ITGB1BP1: variants seen among roughly 807,000 people sequenced by gnomAD.
ITGB1BP1 encodes the protein integrin beta-1-binding protein 1.
A neutral mutation model predicts 28.0 loss-of-function variants in ITGB1BP1; 20 were observed. The observed-to-expected ratio is 0.71, with a 90% confidence interval of 0.50 to 1.04. ITGB1BP1 has a LOEUF of 1.04. ITGB1BP1 is among the 50% of genes least tolerant of loss of function. The probability of loss-of-function intolerance (pLI) is 0.00; values close to 1 mark genes in which losing one functional copy is unlikely to be tolerated. For synonymous variants in ITGB1BP1, 103 were observed against 89.5 expected (o/e 1.15, Z -0.85); for missense variants, 228 against 242.5 (o/e 0.94, Z 0.40).
chr2:9,406,976 AGG>A, intron 6 of ITGB1BP1, 71 bp from the exon 7 acceptor site: 1 of 1,160,644 alleles, frequency 8.6e-7, no homozygotes, highest in Non-Finnish European at 1.3e-6. Flanking sequence ...TGGCTAGCAG[AGG>A]CACACACCTG....
At chr2:9,407,112 G>T in intron 6 of ITGB1BP1, 2 of 607,030 alleles carry the variant, frequency 3.3e-6, no homozygotes, top group Non-Finnish European at 5.9e-6. Flanking sequence ...AGCAAACAGC[G>T]ACTGCAGCCT....
Position 9,405,121 on chromosome 2 carries a change from T to G in ITGB1BP1, c.*1713A>C, listed in dbSNP as rs1677103826. On this transcript the variant is annotated 3_prime_UTR_variant, in exon 7 of 7. Transcript: ENST00000355346. ...CATTAGAACTCCAGTCCCAAACTAA[T>G]CTGTCAGGTTCACTGGTACATAAAT... 6.6e-6 allele frequency: 1 copy of G among 152,330 alleles called. No homozygotes were observed. Among genetic ancestry groups the G allele is most frequent in the South Asian group, 2.1e-4 (1 of 4,826 alleles). 9.4% of individuals were successfully genotyped at this position (152,330 alleles called of 1,614,324 possible). A position where few individuals can be genotyped will look rare whatever the true frequency, so the allele number is the denominator to read the frequency against.
intron 1 of ITGB1BP1, chr2:9,422,491 G>A (rs900227784): frequency 1.3e-5 from 13 of 985,462 alleles, no homozygotes; most frequent in African/African-American, 8.7e-5. Flanking sequence ...TTCAAGGCCC[G>A]TTTCAGGCTG....
At chr2:9,409,841 C>CT (rs1036594187) in intron 4 of ITGB1BP1, among the ~76,000 whole-genome samples, 33,467 of 123,040 alleles carry the variant, frequency 0.27, 5,876 homozygotes, top group Non-Finnish European at 0.38. Flanking sequence ...ACCGTGAGTT[C>CT]TTTTTTTTTT....
Position 9,423,487 on chromosome 2 carries a change from G to T in ITGB1BP1, c.-150C>A, listed in dbSNP as rs751668444. 2.5e-6 allele frequency: 3 copies of T among 1,192,778 alleles called. No homozygotes were observed. The highest frequency in any genetic ancestry group is 3.2e-6 in the Non-Finnish European group (3 of 946,832). 73.9% of individuals were successfully genotyped at this position (1,192,778 alleles called of 1,614,324 possible). A position where few individuals can be genotyped will look rare whatever the true frequency, so the allele number is the denominator to read the frequency against. ...TCCCGCTCCAGCGCCGGCTTTTCCA[G>T]CCCTCCTGCCCACGTCCGCCGGGCC... On this transcript the variant is annotated 5_prime_UTR_variant, in exon 1 of 7. In the 5' UTR this introduces an upstream ATG that the reference lacks. Coordinates refer to ENST00000355346, the MANE Select transcript of ITGB1BP1 (RefSeq NM_004763.5).
chr2:9,420,870 G>A (rs898560363), intron 1 of ITGB1BP1, among the ~76,000 whole-genome samples: 10 of 152,226 alleles, frequency 6.6e-5, no homozygotes, highest in African/African-American at 2.4e-4. Flanking sequence ...GACCCTGGCT[G>A]CCAGATAGCG....
In ITGB1BP1 at chr2:9,406,031, G is replaced by A. The variant is rs147996716; in HGVS notation, c.*803C>T. 1.5e-5 allele frequency: 2 copies of A among 132,472 alleles called. No homozygotes were observed. Among genetic ancestry groups the A allele is most frequent in the African/African-American group, 5.4e-5 (2 of 37,020 alleles). 8.2% of individuals were successfully genotyped at this position (132,472 alleles called of 1,614,324 possible). A position where few individuals can be genotyped will look rare whatever the true frequency, so the allele number is the denominator to read the frequency against. ...TCAGTCTTCCTCAGGCCTTCAGTGT[G>A]TGTCACTGAGTGGACCTCTGTGACA... On this transcript the variant is annotated 3_prime_UTR_variant, in exon 7 of 7. Transcript: ENST00000355346.
At chr2:9,414,327 A>G (rs1678852923) in intron 2 of ITGB1BP1, 71 bp from the exon 3 acceptor site, 1 of 1,088,790 alleles carries the variant, frequency 9.2e-7, no homozygotes, top group Non-Finnish European at 1.4e-6. Flanking sequence ...CCTCTAACCC[A>G]TTCACATCAT....
chr2:9,422,859 G>A, intron 1 of ITGB1BP1: 4 of 985,990 alleles, frequency 4.1e-6, no homozygotes, highest in Non-Finnish European at 4.8e-6. Flanking sequence ...CGCCCGAAGA[G>A]TCAGTGACCT....
At chr2:9,409,327 A>G (rs1004962756) in intron 4 of ITGB1BP1, among the ~76,000 whole-genome samples, 1 of 152,228 alleles carries the variant, frequency 6.6e-6, no homozygotes, top group Non-Finnish European at 1.5e-5. Context: ...GGTCCTCACA[A>G]TGTTACAGTA....
chr2:9,420,273 C>G (rs1305798149), intron 1 of ITGB1BP1: 1 of 152,364 alleles, frequency 6.6e-6, no homozygotes, highest in Non-Finnish European at 1.5e-5. Context: ...TCAGCCTCAT[C>G]ATCCAATTTA....
rs1438440959 is a variant in ITGB1BP1, at chr2:9,405,184, A to G, written c.*1650T>C. ...TTTTTCCAGTCTACAATTTGGTGCTATTGTGCAGTAACTAATAGTACTCTT... is the reference window on the plus strand; with the variant it reads ...TTTTTCCAGTCTACAATTTGGTGCTGTTGTGCAGTAACTAATAGTACTCTT... On this transcript the variant is annotated 3_prime_UTR_variant, in exon 7 of 7. Transcript: ENST00000355346. 6.6e-6 allele frequency: 1 copy of G among 152,116 alleles called. No homozygotes were observed. The highest frequency in any genetic ancestry group is 1.5e-5 in the Non-Finnish European group (1 of 68,014). 9.4% of individuals were successfully genotyped at this position (152,116 alleles called of 1,614,324 possible).
At chr2:9,413,962 G>A (rs2148892122) in intron 3 of ITGB1BP1, among the ~76,000 whole-genome samples, 2 of 152,176 alleles carry the variant, frequency 1.3e-5, no homozygotes, top group Middle Eastern at 6.8e-3. Flanking sequence ...CCATGTGCCT[G>A]TGCCAATCTC....
rs888594147 is a variant in ITGB1BP1 at position 9,422,523 on chromosome 2, G to T, written c.-36+850C>A. The stretch of plus-strand genomic sequence containing the variant: ...GCTGCAGGCCTTCCTGGGATCTCAA[G>T]GCTGGGGTAAGGGACCCACAGCTTG... On this transcript the variant is annotated intron_variant, in intron 1 of 6. Coordinates refer to ENST00000355346, the MANE Select transcript of ITGB1BP1 (RefSeq NM_004763.5). The T allele has an allele frequency of 6.1e-6, 6 of 985,498 alleles. No individual in the cohort carries two copies. In the African/African-American group the frequency reaches 8.7e-5, roughly 14 times the overall value. 61.0% of individuals were successfully genotyped at this position (985,498 alleles called of 1,614,324 possible).
intron 6 of ITGB1BP1, chr2:9,407,149 G>C: frequency 1.7e-6 from 1 of 601,014 alleles, no homozygotes; most frequent in Non-Finnish European, 2.9e-6. Context: ...CAGTCTAGGA[G>C]GGCAACAACG....
In ITGB1BP1 at chr2:9,403,810, T is replaced by G. The variant is rs866638943; in HGVS notation, c.*3024A>C. On this transcript the variant is annotated 3_prime_UTR_variant, in exon 7 of 7. Transcript: ENST00000355346. ...ATCAGTTCACCTTTAAAGACACACATTCCTTTGAAATCCACCCAGTGTTTA... is the reference window on the plus strand; with the variant it reads ...ATCAGTTCACCTTTAAAGACACACAGTCCTTTGAAATCCACCCAGTGTTTA... 3.2e-5 allele frequency: 5 copies of G among 155,432 alleles called. No homozygotes were observed. The South Asian group carries it at 1.0e-3, about 31-fold the overall frequency. 9.6% of individuals were successfully genotyped at this position (155,432 alleles called of 1,614,324 possible).
intron 1 of ITGB1BP1, chr2:9,422,912 G>C (rs1680073129): frequency 1.0e-6 from 1 of 986,106 alleles, no homozygotes; most frequent in Non-Finnish European, 1.2e-6. Context: ...CCAAGCTCGG[G>C]GCCTAGGGAG....
In ITGB1BP1 at chr2:9,404,682, T is replaced by C. The variant is rs1677051211; in HGVS notation, c.*2152A>G. 1 of 152,330 alleles carries C rather than the reference T, an allele frequency of 6.6e-6. No homozygotes were observed. The highest frequency in any genetic ancestry group is 2.1e-4 in the South Asian group (1 of 4,830). The allele number at this position is 152,330 out of a possible 1,614,324, so 9.4% of individuals were successfully genotyped here. A position where few individuals can be genotyped will look rare whatever the true frequency, so the allele number is the denominator to read the frequency against. ...CAGCAATGCTGTTAACTGCATTTGTTGTGATGGTGCATTTGATTGAAGCAG... is the reference window on the plus strand; with the variant it reads ...CAGCAATGCTGTTAACTGCATTTGTCGTGATGGTGCATTTGATTGAAGCAG... On this transcript the variant is annotated 3_prime_UTR_variant, in exon 7 of 7. Transcript: ENST00000355346.
chr2:9,409,478 T>C (rs990569190), intron 4 of ITGB1BP1, among the ~76,000 whole-genome samples: 57 of 152,184 alleles, frequency 3.7e-4, no homozygotes, highest in African/African-American at 1.4e-3. Flanking sequence ...GTAGTCCTTA[T>C]AGGAATGAAA....
Sources: gnomAD v4.1 joint callset for allele counts (sites outside exome capture counted in the v4.1 genomes callset) on GRCh38, gnomAD v4.1.1 for gene constraint, MANE v1.5 for transcripts, NCBI Gene and HGNC (gene_info 2026-07-23, HGNC 2026-07-21) for gene names.